MRPS6: variants seen among roughly 807,000 people sequenced by gnomAD.
MRPS6 encodes the protein mitochondrial ribosomal protein S6.
MRPS6 carries 6 observed loss-of-function variants against 13.1 expected under a neutral mutation model. The ratio of observed to expected loss-of-function variants is 0.46; its 90% confidence interval spans 0.25 to 0.91. MRPS6 has a LOEUF of 0.91. Ranked by LOEUF, MRPS6 falls within the 40% of genes least tolerant of loss-of-function variation. MRPS6 has a pLI of 0.18. For synonymous variants in MRPS6, 61 were observed against 56.5 expected, an observed-to-expected ratio of 1.08 and a Z score of -0.36; for missense variants, 164 against 155.6, an observed-to-expected ratio of 1.05 and a Z score of -0.29.
chr21:34,083,630 A>G (rs1989506883), intron 1 of MRPS6, among the ~76,000 whole-genome samples: 1 of 152,156 alleles, frequency 6.6e-6, no homozygotes, highest in Non-Finnish European at 1.5e-5. Flanking sequence ...TGTTTTGTTA[A>G]TAGTCATATG....
At chr21:34,105,089 AT>A (rs992161123) in intron 1 of MRPS6, 1 of 999,698 alleles carries the variant, frequency 1.0e-6, no homozygotes, top group Non-Finnish European at 1.2e-6. Context: ...CAAAAGCTTT[AT>A]TTTTTTTAAT....
chr21:34,136,993 T>A (rs551060555), intron 2 of MRPS6, among the ~76,000 whole-genome samples: 2 of 152,336 alleles, frequency 1.3e-5, no homozygotes, highest in South Asian at 4.1e-4. Flanking sequence ...TTGTTGTAAA[T>A]CTCTATTTTT....
intron 1 of MRPS6, among the ~76,000 whole-genome samples, chr21:34,085,527 T>C (rs1320156699): frequency 6.6e-6 from 1 of 152,212 alleles, no homozygotes; most frequent in Non-Finnish European, 1.5e-5. Flanking sequence ...GAATCAGTTA[T>C]TGCAGGAGTA....
chr21:34,101,796 A>G, intron 1 of MRPS6: 2 of 997,084 alleles, frequency 2.0e-6, no homozygotes, highest in Non-Finnish European at 2.4e-6. Context: ...GTTAATTCTC[A>G]GGAATGATTT....
intron 2 of MRPS6, among the ~76,000 whole-genome samples, chr21:34,132,428 C>T (rs74355062): frequency 0.011 from 1,733 of 152,234 alleles, 38 homozygotes; most frequent in African/African-American, 0.04. Context: ...GGCTTGTGCT[C>T]GTTTAGTTGG....
chr21:34,093,954 T>C (rs1291763118), intron 1 of MRPS6, among the ~76,000 whole-genome samples: 1 of 152,174 alleles, frequency 6.6e-6, no homozygotes, highest in African/African-American at 2.4e-5. Context: ...TGAAAACTTT[T>C]CTCCTCCTCC....
At position 34,107,490 on chromosome 21, in the gene MRPS6, A is replaced by G. The variant is rs114063253; in HGVS notation, c.46-17851A>G. 8.8e-3 allele frequency among the ~76,000 whole-genome samples: 1,347 copies of G among 152,280 alleles called. 27 individuals carry two copies. Among genetic ancestry groups the G allele is most frequent in the African/African-American group, 0.031 (1,288 of 41,546 alleles). On this transcript the variant is annotated intron_variant, in intron 1 of 2. Transcript: ENST00000399312. ...TTAGTTACTATTTTTTCCCTTTGGTAATATGTAATTAGTGGGGGGATATTA... is the reference window on the plus strand; with the variant it reads ...TTAGTTACTATTTTTTCCCTTTGGTGATATGTAATTAGTGGGGGGATATTA...
At chr21:34,100,727 G>A in intron 1 of MRPS6, 2 of 999,958 alleles carry the variant, frequency 2.0e-6, no homozygotes, top group Non-Finnish European at 2.4e-6. Flanking sequence ...ACTCTTGTGA[G>A]AGCCAATAGA....
chr21:34,081,860 T>A (rs1237060664), intron 1 of MRPS6, among the ~76,000 whole-genome samples: 1 of 152,206 alleles, frequency 6.6e-6, no homozygotes, highest in Non-Finnish European at 1.5e-5. Flanking sequence ...TATCTAAGTT[T>A]ATTTCATCAG....
intron 1 of MRPS6, chr21:34,123,004 T>C (rs1980173932): frequency 6.6e-6 from 1 of 152,206 alleles, no homozygotes; most frequent in Non-Finnish European, 1.5e-5. Context: ...TACCTACTGT[T>C]AATGGGAAGA....
chr21:34,079,208 C>T (rs916576572), intron 1 of MRPS6, among the ~76,000 whole-genome samples: 1 of 152,142 alleles, frequency 6.6e-6, no homozygotes, highest in African/African-American at 2.4e-5. Flanking sequence ...AACAGCAATA[C>T]TTTATGGCAC....
chr21:34,140,963 T>C (rs534596562), intron 2 of MRPS6, among the ~76,000 whole-genome samples: 7 of 152,366 alleles, frequency 4.6e-5, no homozygotes, highest in Admixed American at 3.3e-4. Flanking sequence ...GGCTTGGCTT[T>C]AAGAGTAAAT....
chr21:34,076,960 C>T (rs556519945), intron 1 of MRPS6, among the ~76,000 whole-genome samples: 1 of 152,290 alleles, frequency 6.6e-6, no homozygotes, highest in South Asian at 2.1e-4. Context: ...AGGCTGCAGT[C>T]CCAGGTAGCC....
chr21:34,105,035 TC>T (rs1318662490), intron 1 of MRPS6: 16 of 999,950 alleles, frequency 1.6e-5, no homozygotes, highest in Non-Finnish European at 1.8e-5. Flanking sequence ...GGCAAACAGA[TC>T]AAGTCTTTTG....
At chr21:34,105,994 T>C (rs1341070468) in intron 1 of MRPS6, 21 of 995,164 alleles carry the variant, frequency 2.1e-5, no homozygotes, top group East Asian at 1.1e-4. Context: ...GAAAGTGTTA[T>C]TGTTTAAAAA....
chr21:34,099,178 G>A (rs959786081), intron 1 of MRPS6: 2 of 999,386 alleles, frequency 2.0e-6, no homozygotes, highest in African/African-American at 3.5e-5. Context: ...GAAGAGCTTA[G>A]AGTGCCTTGT....
chr21:34,084,077 C>T (rs1351142117), intron 1 of MRPS6, among the ~76,000 whole-genome samples: 1 of 152,152 alleles, frequency 6.6e-6, no homozygotes, highest in African/African-American at 2.4e-5. Context: ...TAATTTCTAC[C>T]AGTCCCTCCA....
intron 1 of MRPS6, chr21:34,095,852 G>A: frequency 6.2e-7 from 1 of 1,614,060 alleles, no homozygotes; most frequent in Non-Finnish European, 8.5e-7. Flanking sequence ...GAAGGTACAT[G>A]TTGGCCTCAC....
At chr21:34,083,346 C>T (rs1473257484) in intron 1 of MRPS6, among the ~76,000 whole-genome samples, 1 of 152,284 alleles carries the variant, frequency 6.6e-6, no homozygotes, top group African/African-American at 2.4e-5. Flanking sequence ...GATATCTGCT[C>T]CCTTTTCATT....
Sources: gnomAD v4.1 joint callset for allele counts (sites outside exome capture counted in the v4.1 genomes callset) on GRCh38, gnomAD v4.1.1 for gene constraint, MANE v1.5 for transcripts, NCBI Gene and HGNC (gene_info 2026-07-23, HGNC 2026-07-21) for gene names.